Variants in SLC8A3 observed in about 807,000 individuals in gnomAD.
SLC8A3 encodes the protein solute carrier family 8 member A3.
SLC8A3 carries 37 observed loss-of-function variants against 65.4 expected under a neutral mutation model. The ratio of observed to expected loss-of-function variants is 0.57; its 90% confidence interval spans 0.44 to 0.74. SLC8A3 has a LOEUF of 0.74. SLC8A3 is among the 30% of genes least tolerant of loss of function. SLC8A3 has a pLI of 0.00. For missense variants in SLC8A3, 1,112 were observed against 1,172.1 expected (o/e 0.95, Z 0.75); for synonymous variants, 461 against 444.5 (o/e 1.04, Z -0.47).
chr14:70,052,963 G>T (rs1385447883), intron 3 of SLC8A3, among the ~76,000 whole-genome samples: 1 of 152,180 alleles, frequency 6.6e-6, no homozygotes, highest in Non-Finnish European at 1.5e-5. Flanking sequence ...GGGCAGTCGT[G>T]AGACTCCAAC....
At chr14:70,048,579 C>A in intron 6 of SLC8A3, 188 bp downstream of exon 6, 1 of 687,666 alleles carries the variant, frequency 1.5e-6, no homozygotes, top group Non-Finnish European at 2.6e-6. Flanking sequence ...ATTGAAAGTG[C>A]TCAAGAAATA....
chr14:70,186,920 G>A (rs1883278054), intron 1 of SLC8A3, among the ~76,000 whole-genome samples: 1 of 152,184 alleles, frequency 6.6e-6, no homozygotes, highest in African/African-American at 2.4e-5. Context: ...TTTGAAAATC[G>A]AGGTAAACAA....
chr14:70,177,879 C>T (rs377437692), intron 1 of SLC8A3, among the ~76,000 whole-genome samples: 1 of 152,110 alleles, frequency 6.6e-6, no homozygotes, highest in Non-Finnish European at 1.5e-5. Context: ...TGAATGAAAG[C>T]GGGGCAAGAC....
At chr14:70,061,253 G>C (rs933306681) in intron 2 of SLC8A3, among the ~76,000 whole-genome samples, 4 of 152,170 alleles carry the variant, frequency 2.6e-5, no homozygotes, top group African/African-American at 9.7e-5. Context: ...GTAATGGTGA[G>C]GAGGAGTCAT....
At chr14:70,139,036 G>A (rs1212284114) in intron 2 of SLC8A3, among the ~76,000 whole-genome samples, 3 of 152,176 alleles carry the variant, frequency 2.0e-5, no homozygotes, top group Non-Finnish European at 2.9e-5. Context: ...GCCAAACTGA[G>A]GCAAAGAGGA....
chr14:70,077,900 C>T (rs543209251), intron 2 of SLC8A3, among the ~76,000 whole-genome samples: 28 of 152,328 alleles, frequency 1.8e-4, no homozygotes, highest in Non-Finnish European at 3.7e-4. Flanking sequence ...CACTTTTCAC[C>T]TCTGTTCAGA....
chr14:70,080,560 G>A (rs1566764786), intron 2 of SLC8A3, among the ~76,000 whole-genome samples: 2 of 152,192 alleles, frequency 1.3e-5, no homozygotes, highest in Non-Finnish European at 2.9e-5. Context: ...TGAGTCAGGA[G>A]ACAGCAAATG....
chr14:70,135,948 T>G (rs1268681958), intron 2 of SLC8A3, among the ~76,000 whole-genome samples: 1 of 152,166 alleles, frequency 6.6e-6, no homozygotes, highest in Non-Finnish European at 1.5e-5. Context: ...TGATGGATAT[T>G]CCAATCACCC....
intron 2 of SLC8A3, among the ~76,000 whole-genome samples, chr14:70,160,183 G>A (rs955143438): frequency 5.9e-5 from 9 of 152,124 alleles, no homozygotes; most frequent in Non-Finnish European, 8.8e-5. Context: ...GGTAGCTCAC[G>A]CCTGTAATCC....
intron 2 of SLC8A3, among the ~76,000 whole-genome samples, chr14:70,137,143 A>G (rs1895250652): frequency 6.8e-6 from 1 of 147,610 alleles, no homozygotes; most frequent in Non-Finnish European, 1.5e-5. Context: ...AAACTTGTTT[A>G]TATATCTTTT....
Position 70,168,172 on chromosome 14 carries a change from A to C in SLC8A3, c.251T>G (p.Leu84Arg). 1.9e-6 allele frequency: 3 copies of C among 1,614,198 alleles called. No homozygotes were observed. Among genetic ancestry groups the C allele is most frequent in the East Asian group, 2.2e-5 (1 of 44,868 alleles). ...IARVIVYFVA[L>R]IYMFLGVSII... is the part of the protein sequence containing the mutation. ...GGACACCCCAAGGAACATGTATATC[A>C]GGGCCACAAAATAGACAATGACCCT... Residue 84 changes from leucine (L) to arginine (R), a missense_variant, in exon 2 of 7, where the codon CTG becomes CGG. Physicochemically the swap from Leu to Arg is moderately radical, Grantham distance 102. Coordinates refer to ENST00000356921, the MANE Select transcript of SLC8A3 (RefSeq NM_182932.3).
At chr14:70,174,175 C>T (rs547571718) in intron 1 of SLC8A3, among the ~76,000 whole-genome samples, 4 of 152,334 alleles carry the variant, frequency 2.6e-5, no homozygotes, top group South Asian at 4.1e-4. Context: ...TTTGAGCGCC[C>T]CTTCGAGCAA....
rs1433629321 is a variant in SLC8A3, at chr14:70,052,061, C to G, written c.1942G>C (p.Glu648Gln). The change falls in exon 4 of 7, where the codon GAG becomes CAG. Residue 648 changes from glutamate (E) to glutamine (Q), a missense_variant. Glu to Gln is a conservative substitution (Grantham distance 29). Transcript: ENST00000356921. ...MEEEEAKRIA[E>Q]MGKPVLGEHP... ...TCACCCAATACTGGCTTTCCCATCT[C>G]TGCTATCCTCTTGGCCTCCTCTTCT... 4.3e-6 allele frequency: 7 copies of G among 1,612,222 alleles called. No homozygotes were observed. The highest frequency in any genetic ancestry group is 5.9e-6 in the Non-Finnish European group (7 of 1,179,558).
intron 2 of SLC8A3, among the ~76,000 whole-genome samples, chr14:70,092,337 C>G (rs952625118): frequency 3.9e-5 from 6 of 152,074 alleles, no homozygotes; most frequent in Non-Finnish European, 8.8e-5. Context: ...TTCCTGATGC[C>G]CCTCCTCACT....
At chr14:70,088,473 C>T (rs1440832585) in intron 2 of SLC8A3, among the ~76,000 whole-genome samples, 5 of 152,176 alleles carry the variant, frequency 3.3e-5, no homozygotes, top group African/African-American at 9.7e-5. Context: ...GCTATCAATG[C>T]TTCTCCTGCT....
intron 1 of SLC8A3, among the ~76,000 whole-genome samples, chr14:70,178,632 T>C (rs944462637): frequency 2.0e-5 from 3 of 152,196 alleles, no homozygotes; most frequent in South Asian, 2.1e-4. Context: ...CAAGAAAGCA[T>C]GATGCTGTTC....
chr14:70,064,732 T>C (rs1035898498), intron 2 of SLC8A3, among the ~76,000 whole-genome samples: 47 of 152,332 alleles, frequency 3.1e-4, no homozygotes, highest in Admixed American at 9.2e-4. Flanking sequence ...AGTCCTACGA[T>C]GATTTTGTGG....
chr14:70,048,779 T>A lies in SLC8A3; in HGVS notation c.2377A>T (p.Thr793Ser), dbSNP rs1323804285. The stretch of plus-strand genomic sequence containing the variant: ...CTCTCACTCTCACCTGGGACAGAGG[T>A]GCCAAATGCCACGAAAACAACAGCT... Reference protein sequence around the residue: ...VTAVVFVAFGTSVPDTFASKA... With the variant: ...VTAVVFVAFGSSVPDTFASKA... The change falls in exon 6 of 7, where the codon ACC becomes TCC. Residue 793 changes from threonine (T) to serine (S), a missense_variant. Transcript: ENST00000356921. 6.2e-7 allele frequency: 1 copy of A among 1,613,666 alleles called. No homozygotes were observed. Among genetic ancestry groups the A allele is most frequent in the Non-Finnish European group, 8.5e-7 (1 of 1,179,936 alleles).
rs539090092 is a variant in SLC8A3 at position 70,090,035 on chromosome 14, T to TG, written c.1785-29097_1785-29096insC. 5.9e-3 allele frequency among the ~76,000 whole-genome samples: 895 copies of TG among 151,276 alleles called. 10 individuals are homozygous for TG. Among genetic ancestry groups the TG allele is most frequent in the Middle Eastern group, 0.01 (3 of 292 alleles). On this transcript the variant is annotated intron_variant, in intron 2 of 6. Coordinates refer to ENST00000356921, the MANE Select transcript of SLC8A3 (RefSeq NM_182932.3). The stretch of plus-strand genomic sequence containing the variant: ...GATGTTTTTCTCCTGTAACTACCCT[T>TG]TCTGTCTTTTTTTTTAACATATTTT...
Sources: gnomAD v4.1 joint callset for allele counts (sites outside exome capture counted in the v4.1 genomes callset) on GRCh38, gnomAD v4.1.1 for gene constraint, MANE v1.5 for transcripts, NCBI Gene and HGNC (gene_info 2026-07-23, HGNC 2026-07-21) for gene names.